The following MRPL42 variants were observed in gnomAD, a reference collection of about 807,000 sequenced individuals.
The protein encoded by MRPL42 is mitochondrial ribosomal protein L42.
A neutral mutation model predicts 17.9 loss-of-function variants in MRPL42; 17 were observed. That is an observed-to-expected ratio of 0.95 (90% CI 0.65 to 1.42). The LOEUF is 1.42. Among genes scored for constraint, MRPL42 ranks in the 40% most tolerant of loss-of-function variants. The probability of loss-of-function intolerance (pLI) is 0.00; values close to 1 mark genes in which losing one functional copy is unlikely to be tolerated. For synonymous variants in MRPL42, 59 were observed against 54.4 expected, an observed-to-expected ratio of 1.08 and a Z score of -0.37; for missense variants, 177 against 175.2, an observed-to-expected ratio of 1.01 and a Z score of -0.06.
At chr12:93,484,563 A>G (rs1880614444) in intron 4 of MRPL42, among the ~76,000 whole-genome samples, 1 of 152,050 alleles carries the variant, frequency 6.6e-6, no homozygotes, top group Non-Finnish European at 1.5e-5. Context: ...GTACCACTGT[A>G]GTATACACTG....
intron 5 of MRPL42, among the ~76,000 whole-genome samples, chr12:93,492,878 A>G (rs1269766808): frequency 5.1e-4 from 75 of 145,850 alleles, no homozygotes; most frequent in Non-Finnish European, 9.1e-4. Flanking sequence ...ACCTTATTCT[A>G]TCATCCAGAT....
chr12:93,477,862 C>G (rs1592769544), intron 3 of MRPL42, among the ~76,000 whole-genome samples: 1 of 152,290 alleles, frequency 6.6e-6, no homozygotes, highest in Non-Finnish European at 1.5e-5. Flanking sequence ...GGGGTTTCAC[C>G]ATGTTAGCCA....
intron 5 of MRPL42, among the ~76,000 whole-genome samples, chr12:93,490,770 C>T (rs1199709526): frequency 1.3e-5 from 2 of 152,182 alleles, no homozygotes; most frequent in African/African-American, 4.8e-5. Context: ...AAATATTTCA[C>T]AGTTCTTAAG....
Position 93,506,260 on chromosome 12 carries a change from C to CTATTTT in MRPL42, c.*5040_*5041insATTTTT, listed in dbSNP as rs1476200427. The stretch of plus-strand genomic sequence containing the variant: ...AGTCTTCAATTCAGCAAGAATGTCT[C>CTATTTT]TTTTTTTTTTTTTTTTTTTTTTGGG... On this transcript the variant is annotated 3_prime_UTR_variant, in exon 6 of 6. Coordinates refer to ENST00000549982, the MANE Select transcript of MRPL42 (RefSeq NM_014050.4). 1.1e-5 allele frequency: 1 copy of CTATTTT among 87,860 alleles called. No individual in the cohort carries two copies. Among genetic ancestry groups the CTATTTT allele is most frequent in the Non-Finnish European group, 2.0e-5 (1 of 49,746 alleles). The allele number at this position is 87,860 out of a possible 1,614,324, so 5.4% of individuals were successfully genotyped here.
chr12:93,484,559 CTG>C (rs1880614289), intron 4 of MRPL42, among the ~76,000 whole-genome samples: 1 of 152,016 alleles, frequency 6.6e-6, no homozygotes, highest in Non-Finnish European at 1.5e-5. Flanking sequence ...TATGGTACCA[CTG>C]TAGTATACAC....
At chr12:93,485,021 T>TATATATACACACAC (rs1192857389) in intron 4 of MRPL42, among the ~76,000 whole-genome samples, 2 of 95,082 alleles carry the variant, frequency 2.1e-5, no homozygotes, top group Non-Finnish European at 4.3e-5. Context: ...TATATATATA[T>TATATATACACACAC]ATATATAAAC....
At chr12:93,475,986 C>A (rs1304082488) in intron 2 of MRPL42, among the ~76,000 whole-genome samples, 1 of 151,778 alleles carries the variant, frequency 6.6e-6, no homozygotes, top group African/African-American at 2.4e-5. Flanking sequence ...GTCTCAAAAA[C>A]AAAACAAAAC....
chr12:93,475,704 G>A (rs781426028), intron 2 of MRPL42, among the ~76,000 whole-genome samples: 17 of 152,094 alleles, frequency 1.1e-4, no homozygotes, highest in South Asian at 2.1e-4. Context: ...GCAGTTTATA[G>A]CTGAGCACGG....
chr12:93,490,318 T>C (rs1337122338), intron 5 of MRPL42, among the ~76,000 whole-genome samples: 2 of 152,238 alleles, frequency 1.3e-5, no homozygotes, highest in Non-Finnish European at 1.5e-5. Context: ...CTAGTTAATT[T>C]AATCTCCTGA....
chr12:93,495,882 A>G (rs1376947890), intron 5 of MRPL42, among the ~76,000 whole-genome samples: 1 of 152,248 alleles, frequency 6.6e-6, no homozygotes, highest in East Asian at 1.9e-4. Flanking sequence ...TTACCAGTGC[A>G]TCCTCAAAAC....
intron 5 of MRPL42, among the ~76,000 whole-genome samples, chr12:93,500,377 C>T (rs1183753542): frequency 6.6e-6 from 1 of 152,166 alleles, no homozygotes; most frequent in African/African-American, 2.4e-5. Context: ...GGGTCTCATA[C>T]TGCTAATTTC....
At chr12:93,482,646 AAC>A (rs1880514640) in intron 4 of MRPL42, among the ~76,000 whole-genome samples, 1 of 152,144 alleles carries the variant, frequency 6.6e-6, no homozygotes, top group Non-Finnish European at 1.5e-5. Context: ...CACTCTTGAG[AAC>A]ATGTTACTAT....
Sources: allele counts gnomAD v4.1 joint callset (sites outside exome capture counted in the v4.1 genomes callset), GRCh38; gene constraint gnomAD v4.1.1; transcripts MANE v1.5; gene names NCBI Gene and HGNC (gene_info 2026-07-23, HGNC 2026-07-21).